Variants in EBPL observed in about 807,000 individuals in gnomAD.
EBPL encodes emopamil-binding protein-like.
Under a neutral mutation model 19.0 loss-of-function variants are expected in EBPL, and 20 were observed. The observed-to-expected ratio is 1.05, with a 90% CI of 0.74 to 1.53. The LOEUF (loss-of-function observed/expected upper bound fraction) is 1.53. Ranked by LOEUF, EBPL falls within the 40% of genes most tolerant of loss-of-function variation. The probability of loss-of-function intolerance (pLI) is 0.00; values close to 1 mark genes in which losing one functional copy is unlikely to be tolerated. For missense variants in EBPL, 219 were observed against 261.1 expected (o/e 0.84, Z 1.11); for synonymous variants, 107 against 117.0 (o/e 0.91, Z 0.55).
chr13:49,683,549 A>AC (rs112383111), intron 1 of EBPL, among the ~76,000 whole-genome samples: 24,297 of 69,776 alleles, frequency 0.35, 2,774 homozygotes, highest in East Asian at 0.68. Context: ...AAACAAACAA[A>AC]AAAAACAAAA....
intron 3 of EBPL, 52 bp from the exon 4 acceptor site, chr13:49,661,260 C>A: frequency 7.0e-7 from 1 of 1,432,164 alleles, no homozygotes; most frequent in Non-Finnish European, 9.7e-7. Context: ...CACAGTTTGG[C>A]ATCAGAGTCA....
chr13:49,681,493 G>T (rs889238384), intron 1 of EBPL, among the ~76,000 whole-genome samples: 1 of 152,164 alleles, frequency 6.6e-6, no homozygotes, highest in African/African-American at 2.4e-5. Flanking sequence ...TTTTCACCAT[G>T]TTGGCCAGGC....
Position 49,691,407 on chromosome 13 carries a change from C to A in EBPL, c.18G>T (p.Glu6Asp). The A allele has an allele frequency of 3.7e-6, 5 of 1,351,072 alleles. No homozygotes were observed. The highest frequency in any genetic ancestry group is 4.8e-6 in the Non-Finnish European group (5 of 1,051,738). The allele number at this position is 1,351,072 out of a possible 1,614,324, so 83.7% of individuals were successfully genotyped here. A position where few individuals can be genotyped will look rare whatever the true frequency, so the allele number is the denominator to read the frequency against. The change falls in exon 1 of 4, where the codon GAG (glutamate) becomes GAT (aspartate). Residue 6 changes from glutamate (E) to aspartate (D), a missense_variant. Around this residue, in one of 2 missense-constraint regions of EBPL, gnomAD observed 170 missense variants for 167.0 expected, o/e 1.02. Coordinates refer to ENST00000242827, the MANE Select transcript of EBPL (RefSeq NM_032565.5). ...GCGAACCGCCAGCCTCGGCCCCCAG[C>A]TCCCACTCAGCGCCCATGCTTCAGG... MGAEW[E>D]LGAEAGGSLL... is the part of the protein sequence containing the mutation.
At chr13:49,689,650 T>A (rs1566324481) in intron 1 of EBPL, among the ~76,000 whole-genome samples, 1 of 151,894 alleles carries the variant, frequency 6.6e-6, no homozygotes, top group Non-Finnish European at 1.5e-5. Flanking sequence ...TCCGATATGT[T>A]ATACATTTTT....
At chr13:49,661,966 G>A in intron 3 of EBPL, 1 of 1,484,636 alleles carries the variant, frequency 6.7e-7, no homozygotes, top group Non-Finnish European at 9.2e-7. Flanking sequence ...AGAGTTTATA[G>A]TCTCTGAGTC....
At chr13:49,663,946 C>T (rs1442789267) in intron 2 of EBPL, among the ~76,000 whole-genome samples, 1 of 145,390 alleles carries the variant, frequency 6.9e-6, no homozygotes, top group South Asian at 2.2e-4. Flanking sequence ...AACAAAAAAA[C>T]AAACAACCAA....
intron 1 of EBPL, among the ~76,000 whole-genome samples, chr13:49,673,779 T>G (rs1282525639): frequency 6.6e-6 from 1 of 152,160 alleles, no homozygotes; most frequent in Non-Finnish European, 1.5e-5. Context: ...ATGATAGATT[T>G]TAGAAATGGA....
chr13:49,684,725 G>A (rs2137509944), intron 1 of EBPL, among the ~76,000 whole-genome samples: 1 of 152,170 alleles, frequency 6.6e-6, no homozygotes, highest in Admixed American at 6.5e-5. Context: ...CAGTAGCAAT[G>A]AAAATATAAA....
chr13:49,670,829 T>A (rs1953805959), intron 1 of EBPL, among the ~76,000 whole-genome samples: 1 of 152,192 alleles, frequency 6.6e-6, no homozygotes, highest in Non-Finnish European at 1.5e-5. Context: ...TCTGGGCTTC[T>A]AAACCACGAA....
At chr13:49,665,232 TC>T (rs1257324983) in intron 2 of EBPL, among the ~76,000 whole-genome samples, 2 of 150,450 alleles carry the variant, frequency 1.3e-5, no homozygotes, top group African/African-American at 4.9e-5. Flanking sequence ...AGCCTCAGCC[TC>T]CCAAATAGCT....
chr13:49,688,398 A>G (rs1954021838), intron 1 of EBPL, among the ~76,000 whole-genome samples: 1 of 152,140 alleles, frequency 6.6e-6, no homozygotes, highest in Admixed American at 6.6e-5. Flanking sequence ...GGCAGCCAAA[A>G]AACCTACAGA....
intron 2 of EBPL, 94 bp downstream of exon 2, chr13:49,669,683 T>C: frequency 9.4e-7 from 1 of 1,067,054 alleles, no homozygotes; most frequent in Non-Finnish European, 1.4e-6. Context: ...TTCATATAAA[T>C]GAAGTCATAC....
chr13:49,678,377 A>C (rs902210882), intron 1 of EBPL, among the ~76,000 whole-genome samples: 1 of 152,188 alleles, frequency 6.6e-6, no homozygotes, highest in Non-Finnish European at 1.5e-5. Context: ...GTCGCTGCGG[A>C]GCAGGGGGCA....
At chr13:49,663,032 A>G (rs1220930061) in intron 3 of EBPL, 25 bp downstream of exon 3, 3 of 1,612,530 alleles carry the variant, frequency 1.9e-6, no homozygotes, top group Admixed American at 1.7e-5. Flanking sequence ...CCCTCCTTCC[A>G]GCAGGACAGA....
intron 1 of EBPL, 113 bp downstream of exon 1, chr13:49,691,141 G>C: frequency 1.0e-6 from 1 of 980,750 alleles, no homozygotes; most frequent in East Asian, 3.6e-5. Context: ...CTGCAGCAGG[G>C]GGAGGGGCGG....
intron 2 of EBPL, among the ~76,000 whole-genome samples, chr13:49,667,279 T>C (rs961688384): frequency 1.2e-4 from 18 of 152,170 alleles, no homozygotes; most frequent in African/African-American, 4.1e-4. Context: ...GACGATGTGA[T>C]CATTTCCATT....
chr13:49,681,291 T>C (rs1953940150), intron 1 of EBPL, among the ~76,000 whole-genome samples: 1 of 142,644 alleles, frequency 7.0e-6, no homozygotes. Context: ...GTCCCAGGCA[T>C]GAAATTTTTT....
rs772281787 is a variant in EBPL at position 49,663,036 on chromosome 13, G to C, written c.380+21C>G. ...TGTAATGTCTCCCCTCCTTCCAGCA[G>C]GACAGAAGAAGGGCACCTACCGGTA... On this transcript the variant is annotated intron_variant, in intron 3 of 3. Transcript: ENST00000242827. The C allele has an allele frequency of 4.3e-6, 7 of 1,612,778 alleles. No individual in the cohort carries two copies. The South Asian group carries it at 7.7e-5, about 18-fold the overall frequency.
intron 3 of EBPL, chr13:49,661,926 C>G: frequency 3.2e-6 from 5 of 1,550,314 alleles, no homozygotes; most frequent in Non-Finnish European, 4.4e-6. Flanking sequence ...GCCACTCTGT[C>G]CCTAAGGAAA....
Sources: gnomAD v4.1 joint callset for allele counts (sites outside exome capture counted in the v4.1 genomes callset) on GRCh38, gnomAD v4.1.1 for gene constraint, gnomAD v4.1.1 regional missense constraint, MANE v1.5 for transcripts, NCBI Gene and HGNC (gene_info 2026-07-23, HGNC 2026-07-21) for gene names.